Variants in ATP10B observed in about 807,000 individuals in gnomAD.
ATP10B encodes ATPase phospholipid transporting 10B (putative).
ATP10B carries 122 observed loss-of-function variants against 141.2 expected under a neutral mutation model. That is an observed-to-expected ratio of 0.86 (90% CI 0.75 to 1.00). The LOEUF is 1.00. Ranked by LOEUF, ATP10B falls within the 50% of genes least tolerant of loss-of-function variation. ATP10B has a pLI of 0.00. For synonymous variants in ATP10B, 685 were observed against 692.0 expected (o/e 0.99, Z 0.16); for missense variants, 1,876 against 1,825.3 (o/e 1.03, Z -0.51).
At chr5:160,691,911 A>G (rs898690146) in intron 3 of ATP10B, 2 of 152,208 alleles carry the variant, frequency 1.3e-5, no homozygotes, top group Non-Finnish European at 2.9e-5. Context: ...AATATTGTGT[A>G]TCTTCTTTGC....
rs1029069963 is a variant in ATP10B at position 160,564,085 on chromosome 5, T to A, written c.*1368A>T. ...CATCTTTGCTGAGGAGGTTCTCAAG[T>A]GATAGGTCAACTTATGGCTGGTGGC... On this transcript the variant is annotated 3_prime_UTR_variant, in exon 26 of 26. Coordinates refer to ENST00000327245, the MANE Select transcript of ATP10B (RefSeq NM_025153.3). The A allele has an allele frequency of 3.3e-5, 5 of 152,274 alleles. No individual in the cohort carries two copies. Among genetic ancestry groups the A allele is most frequent in the African/African-American group, 1.2e-4 (5 of 41,448 alleles). The allele number at this position is 152,274 out of a possible 1,614,324, so 9.4% of individuals were successfully genotyped here.
intron 2 of ATP10B, among the ~76,000 whole-genome samples, chr5:160,730,099 G>A (rs986646711): frequency 4.6e-5 from 7 of 152,106 alleles, no homozygotes; most frequent in Admixed American, 1.3e-4. Flanking sequence ...TTTAACCACA[G>A]ATTTAAGCTA....
intron 1 of ATP10B, among the ~76,000 whole-genome samples, chr5:160,827,688 C>T (rs894700059): frequency 6.6e-6 from 1 of 152,132 alleles, no homozygotes. Flanking sequence ...AGGTTTTCTT[C>T]TAGGATTTTA....
intron 1 of ATP10B, among the ~76,000 whole-genome samples, chr5:160,828,771 G>A (rs201042670): frequency 0.029 from 4,393 of 151,406 alleles, 167 homozygotes; most frequent in South Asian, 0.16. Context: ...TGTTTATTGC[G>A]GCACTATTCA....
intron 1 of ATP10B, among the ~76,000 whole-genome samples, chr5:160,818,412 C>G (rs1773847741): frequency 6.6e-6 from 1 of 152,208 alleles, no homozygotes; most frequent in African/African-American, 2.4e-5. Flanking sequence ...CTCATTATCA[C>G]TGGCCATCAG....
intron 3 of ATP10B, among the ~76,000 whole-genome samples, chr5:160,694,458 C>T (rs549396927): frequency 6.6e-6 from 1 of 152,274 alleles, no homozygotes; most frequent in African/African-American, 2.4e-5. Flanking sequence ...CAAGCACCAG[C>T]CTTATTCTCT....
chr5:160,804,680 A>T (rs147953412), intron 1 of ATP10B, among the ~76,000 whole-genome samples: 309 of 152,320 alleles, frequency 2.0e-3, no homozygotes, highest in Non-Finnish European at 2.9e-3. Flanking sequence ...CACAGTGGGG[A>T]CTGTGAGCTC....
chr5:160,860,996 G>A, the ATP10B span, among the ~76,000 whole-genome samples: 598 of 151,938 alleles, frequency 3.9e-3, 4 homozygotes, highest in African/African-American at 0.014. Context: ...GGCCTCTGTA[G>A]CAACTCAGTT....
chr5:160,575,140 C>CT (rs1755115323), intron 24 of ATP10B, among the ~76,000 whole-genome samples: 1 of 152,096 alleles, frequency 6.6e-6, no homozygotes, highest in Admixed American at 6.5e-5. Context: ...TTCAGGCTTG[C>CT]TGAGTGATCT....
intron 2 of ATP10B, among the ~76,000 whole-genome samples, chr5:160,750,340 G>C (rs1768069605): frequency 6.6e-6 from 1 of 152,094 alleles, no homozygotes; most frequent in Non-Finnish European, 1.5e-5. Context: ...GCCCAACCTG[G>C]CTTCTTGGTA....
chr5:160,587,783 T>G (rs1756005624), intron 24 of ATP10B, among the ~76,000 whole-genome samples: 1 of 152,234 alleles, frequency 6.6e-6, no homozygotes, highest in Admixed American at 6.5e-5. Flanking sequence ...TGATTTTCTA[T>G]CCTAAGACTT....
Position 160,589,677 on chromosome 5 carries a change from AT to A in ATP10B, c.3664del (p.Ile1222Ter), listed in dbSNP as rs1756148422. On this transcript the variant is annotated frameshift_variant, in exon 24 of 26. Coordinates refer to ENST00000327245, the MANE Select transcript of ATP10B (RefSeq NM_025153.3). LOFTEE classifies it high-confidence loss of function. Reference sequence around the variant, plus strand: ...TGGTGTCCCAAAGGTAAAGACATCTATATCAGAGCCCTTATAGGCCTGCAGA... The same window carrying A: ...TGGTGTCCCAAAGGTAAAGACATCTAATCAGAGCCCTTATAGGCCTGCAGA... ...IPYLAYKGSD[I>X]DVFTFGTPIN... The A allele has an allele frequency of 6.2e-7, 1 of 1,613,680 alleles. No homozygotes were observed. The highest frequency in any genetic ancestry group is 8.5e-7 in the Non-Finnish European group (1 of 1,179,716).
the ATP10B span, among the ~76,000 whole-genome samples, chr5:160,875,493 C>A: frequency 1.1e-5 from 1 of 91,042 alleles, no homozygotes. Flanking sequence ...GCAAAATCAC[C>A]AGCTAACATC....
chr5:160,844,807 A>C (rs1776018875), intron 1 of ATP10B, among the ~76,000 whole-genome samples: 1 of 152,170 alleles, frequency 6.6e-6, no homozygotes, highest in Admixed American at 6.6e-5. Flanking sequence ...GGCCTCCCAA[A>C]GTGCTGGGAT....
At chr5:160,578,159 C>T (rs1271785781) in intron 24 of ATP10B, among the ~76,000 whole-genome samples, 2 of 151,680 alleles carry the variant, frequency 1.3e-5, no homozygotes, top group African/African-American at 4.8e-5. Context: ...TTTTGTTTGC[C>T]ATCATTTTCT....
chr5:160,634,833 G>T (rs1432766835), intron 11 of ATP10B, among the ~76,000 whole-genome samples: 3 of 152,246 alleles, frequency 2.0e-5, no homozygotes, highest in African/African-American at 7.2e-5. Context: ...ACCATTGGTT[G>T]TCTGTGACTG....
intron 2 of ATP10B, among the ~76,000 whole-genome samples, chr5:160,767,171 T>C (rs6892660): frequency 0.32 from 48,531 of 152,108 alleles, 7,856 homozygotes; most frequent in South Asian, 0.42. Flanking sequence ...AATACATTTG[T>C]GTTGGGCTGC....
chr5:160,701,136 C>A (rs1341946382), intron 3 of ATP10B, among the ~76,000 whole-genome samples: 1 of 152,158 alleles, frequency 6.6e-6, no homozygotes, highest in Non-Finnish European at 1.5e-5. Flanking sequence ...CCTCTAGTCT[C>A]TTTTCCACAG....
intron 1 of ATP10B, among the ~76,000 whole-genome samples, chr5:160,794,844 T>A (rs1458886643): frequency 6.6e-6 from 1 of 152,214 alleles, no homozygotes; most frequent in African/African-American, 2.4e-5. Context: ...TAGCACAATG[T>A]TTATTTCATT....
Sources: gnomAD v4.1 joint callset for allele counts (sites outside exome capture counted in the v4.1 genomes callset) on GRCh38, gnomAD v4.1.1 for gene constraint, MANE v1.5 for transcripts, NCBI Gene and HGNC (gene_info 2026-07-23, HGNC 2026-07-21) for gene names.